The following LPCAT2 variants were observed in gnomAD, a reference collection of about 807,000 sequenced individuals.
The protein encoded by LPCAT2 is lysophosphatidylcholine acyltransferase 2.
Under a neutral mutation model 64.7 loss-of-function variants are expected in LPCAT2, and 58 were observed. The ratio of observed to expected loss-of-function variants is 0.90; its 90% CI spans 0.73 to 1.12. LPCAT2 has a LOEUF of 1.12. LPCAT2 is among the 50% of genes most tolerant of loss of function. LPCAT2 has a pLI of 0.00. For synonymous variants in LPCAT2, 252 were observed against 245.3 expected (o/e 1.03, Z -0.26); for missense variants, 579 against 669.8 (o/e 0.86, Z 1.50).
At chr16:55,563,078 GGAT>G (rs1210333995) in intron 11 of LPCAT2, among the ~76,000 whole-genome samples, 24 of 151,846 alleles carry the variant, frequency 1.6e-4, no homozygotes, top group African/African-American at 5.6e-4. Flanking sequence ...GAAATAAAAA[GGAT>G]GATGAGTGAG....
chr16:55,526,848 T>C (rs1963177656), intron 2 of LPCAT2, among the ~76,000 whole-genome samples: 1 of 152,222 alleles, frequency 6.6e-6, no homozygotes, highest in East Asian at 1.9e-4. Context: ...ATTAAACTAG[T>C]ATCTCTTTCT....
intron 1 of LPCAT2, among the ~76,000 whole-genome samples, chr16:55,513,776 A>T (rs1159869682): frequency 3.9e-5 from 6 of 152,170 alleles, no homozygotes. Context: ...TCAAAGCCCC[A>T]TTCCCAAGGA....
At chr16:55,544,576 G>A (rs1445295538) in intron 8 of LPCAT2, among the ~76,000 whole-genome samples, 1 of 152,198 alleles carries the variant, frequency 6.6e-6, no homozygotes, top group Non-Finnish European at 1.5e-5. Context: ...TGCCTGGTTT[G>A]TAGTTATAAT....
intron 1 of LPCAT2, 60 bp downstream of exon 1, chr16:55,509,412 T>G (rs1596839619): frequency 4.9e-4 from 370 of 751,386 alleles, no homozygotes; most frequent in Middle Eastern, 7.7e-4. Flanking sequence ...CAGAGGGGGG[T>G]CCAGGTAAGG....
chr16:55,522,557 A>T (rs959124884), intron 1 of LPCAT2, among the ~76,000 whole-genome samples: 2 of 151,718 alleles, frequency 1.3e-5, no homozygotes, highest in African/African-American at 4.8e-5. Flanking sequence ...ATATGGGCAG[A>T]CACACACTAC....
At chr16:55,538,668 CT>C (rs1963354195) in intron 8 of LPCAT2, 1 of 124,964 alleles carries the variant, frequency 8.0e-6, no homozygotes, top group South Asian at 2.8e-4. Context: ...TCAGTTATCT[CT>C]CACTGTGGCC....
At chr16:55,578,010 C>T (rs1419374442) in intron 12 of LPCAT2, among the ~76,000 whole-genome samples, 1 of 152,112 alleles carries the variant, frequency 6.6e-6, no homozygotes, top group Non-Finnish European at 1.5e-5. Flanking sequence ...TGGCATTTTG[C>T]TCTGTTGGCC....
intron 10 of LPCAT2, among the ~76,000 whole-genome samples, chr16:55,550,641 C>T (rs540873696): frequency 1.3e-5 from 2 of 152,186 alleles, no homozygotes; most frequent in Admixed American, 1.3e-4. Flanking sequence ...GCGGGCCGGG[C>T]GTGGTGGCTC....
chr16:55,514,225 T>C (rs1294037677), intron 1 of LPCAT2, among the ~76,000 whole-genome samples: 1 of 151,972 alleles, frequency 6.6e-6, no homozygotes, highest in Non-Finnish European at 1.5e-5. Flanking sequence ...TCCACATGAG[T>C]AAGGCTTTGT....
chr16:55,512,166 T>C (rs1397625918), intron 1 of LPCAT2, among the ~76,000 whole-genome samples: 2 of 152,226 alleles, frequency 1.3e-5, no homozygotes, highest in African/African-American at 4.8e-5. Context: ...CTAATACGTA[T>C]TCTGTTTTAT....
At chr16:55,541,914 G>A (rs1257023502) in intron 8 of LPCAT2, 36 of 1,283,946 alleles carry the variant, frequency 2.8e-5, no homozygotes, top group African/African-American at 9.1e-5. Context: ...TTTTCTCTTC[G>A]AAGATTTAAA....
chr16:55,517,679 G>A (rs1290661796), intron 1 of LPCAT2, among the ~76,000 whole-genome samples: 2 of 151,998 alleles, frequency 1.3e-5, no homozygotes, highest in East Asian at 1.9e-4. Flanking sequence ...TGTAATGTTC[G>A]TTCAACATAG....
intron 8 of LPCAT2, chr16:55,541,783 C>A: frequency 1.0e-6 from 1 of 998,360 alleles, no homozygotes; most frequent in Non-Finnish European, 1.3e-6. Context: ...TACTTATGTG[C>A]TGGCACATAG....
At chr16:55,577,507 T>C (rs1346072376) in intron 12 of LPCAT2, among the ~76,000 whole-genome samples, 17 of 152,298 alleles carry the variant, frequency 1.1e-4, no homozygotes, top group Non-Finnish European at 2.2e-4. Flanking sequence ...ATCTGTAAGA[T>C]AGGACTGACA....
intron 13 of LPCAT2, among the ~76,000 whole-genome samples, chr16:55,581,646 A>G (rs557212044): frequency 6.6e-6 from 1 of 152,320 alleles, no homozygotes; most frequent in Non-Finnish European, 1.5e-5. Context: ...TTTAAAAGTA[A>G]ATGTATAGAA....
chr16:55,511,093 T>C (rs138941782), intron 1 of LPCAT2, among the ~76,000 whole-genome samples: 230 of 152,276 alleles, frequency 1.5e-3, no homozygotes, highest in Middle Eastern at 3.4e-3. Flanking sequence ...GAACTATACT[T>C]TTCTCGTCTA....
chr16:55,536,923 C>T (rs995541177), intron 7 of LPCAT2, among the ~76,000 whole-genome samples: 1 of 152,086 alleles, frequency 6.6e-6, no homozygotes, highest in Non-Finnish European at 1.5e-5. Flanking sequence ...CAGATTTCCT[C>T]ATAACTAAAA....
chr16:55,567,850 GTTA>G (rs1488218331), intron 11 of LPCAT2, among the ~76,000 whole-genome samples: 2 of 152,050 alleles, frequency 1.3e-5, no homozygotes, highest in African/African-American at 2.4e-5. Context: ...TATTATTGTT[GTTA>G]TTGTTGTTAA....
rs1286117073 is a variant in LPCAT2, at chr16:55,565,152, C to T, written c.1216-9479C>T. ...GCAAATCAAAACTACAATGTTATAC[C>T]ACTTTACAGCCATTAGGATGGCTAT... On this transcript the variant is annotated intron_variant, in intron 11 of 13. Transcript: ENST00000262134. 2.0e-5 allele frequency among the ~76,000 whole-genome samples: 3 copies of T among 151,716 alleles called. No individual in the cohort carries two copies. In the South Asian group the frequency reaches 6.2e-4, roughly 31 times the overall value.
Sources: allele counts gnomAD v4.1 joint callset (sites outside exome capture counted in the v4.1 genomes callset), GRCh38; gene constraint gnomAD v4.1.1; transcripts MANE v1.5; gene names NCBI Gene and HGNC (gene_info 2026-07-23, HGNC 2026-07-21).